The following RNF17 variants were observed in gnomAD, a reference collection of about 807,000 sequenced individuals.
RNF17 encodes the protein ring finger protein 17, also known as spermatogenesis associated 23.
In RNF17, 31 loss-of-function variants were observed where a neutral mutation model predicts 200.5. The ratio of observed to expected loss-of-function variants is 0.15; its 90% confidence interval spans 0.12 to 0.21. The LOEUF is 0.21. Ranked by LOEUF, RNF17 falls within the 10% of genes least tolerant of loss-of-function variation. The pLI is 1.00. For synonymous variants in RNF17, 606 were observed against 637.8 expected, an observed-to-expected ratio of 0.95 and a Z score of 0.75; for missense variants, 1,628 against 1,905.1, an observed-to-expected ratio of 0.85 and a Z score of 2.71.
downstream of RNF17, chr13:24,882,213 G>GATATATAGATACATCTATATAGATAGAT (rs570781288): frequency 4.9e-3 from 46 of 9,330 alleles, 17 homozygotes; most frequent in South Asian, 0.015. Flanking sequence ...TATATAGATA[G>GATATATAGATACATCTATATAGATAGAT]ATATAGATAC....
At chr13:24,751,194 T>C in the RNF17 span, 4 of 152,166 alleles carry the variant, frequency 2.6e-5, no homozygotes, top group South Asian at 6.2e-4. Context: ...CGTCTTTCTC[T>C]TTCCTGGGAA....
At chr13:24,797,720 G>C (rs1312790928) in intron 11 of RNF17, among the ~76,000 whole-genome samples, 12 of 150,816 alleles carry the variant, frequency 8.0e-5, no homozygotes, top group South Asian at 4.2e-4. Context: ...GTGTGTGTGT[G>C]TGTGTGTGTG....
intron 32 of RNF17, among the ~76,000 whole-genome samples, chr13:24,872,601 A>G (rs1162326200): frequency 1.3e-5 from 2 of 152,094 alleles, no homozygotes; most frequent in Non-Finnish European, 2.9e-5. Flanking sequence ...TCAGTTCTGC[A>G]CTCAAGAACA....
intron 15 of RNF17, among the ~76,000 whole-genome samples, chr13:24,807,224 A>G (rs1405677638): frequency 6.6e-6 from 1 of 151,960 alleles, no homozygotes; most frequent in African/African-American, 2.4e-5. Flanking sequence ...GAATCGCCAC[A>G]CTGACTTCCA....
At chr13:24,887,798 G>C in the RNF17 span, among the ~76,000 whole-genome samples, 1 of 152,174 alleles carries the variant, frequency 6.6e-6, no homozygotes, top group Non-Finnish European at 1.5e-5. Flanking sequence ...CAAAAAGGTT[G>C]GGGACTGCTA....
chr13:24,835,216 C>A (rs965787848), intron 18 of RNF17, among the ~76,000 whole-genome samples: 1 of 152,012 alleles, frequency 6.6e-6, no homozygotes, highest in African/African-American at 2.4e-5. Flanking sequence ...ACCCTGCCCC[C>A]ACCTGATGGT....
intron 30 of RNF17, among the ~76,000 whole-genome samples, chr13:24,867,488 G>A (rs574914340): frequency 3.7e-4 from 57 of 152,192 alleles, no homozygotes; most frequent in African/African-American, 1.3e-3. Context: ...TAACCTTATT[G>A]TAAATTGCCT....
chr13:24,861,103 T>C (rs914890982), intron 26 of RNF17, among the ~76,000 whole-genome samples, 165 bp from the exon 27 acceptor site: 2 of 152,134 alleles, frequency 1.3e-5, no homozygotes, highest in Non-Finnish European at 2.9e-5. Context: ...GGTCTCAAAC[T>C]CCTGGGCTCA....
At chr13:24,864,266 A>T (rs1434196016) in intron 28 of RNF17, among the ~76,000 whole-genome samples, 2 of 152,174 alleles carry the variant, frequency 1.3e-5, no homozygotes, top group Admixed American at 6.5e-5. Context: ...GTAAGAAGAG[A>T]TAGGACAAGA....
the RNF17 span, among the ~76,000 whole-genome samples, chr13:24,757,789 G>T: frequency 1.3e-5 from 2 of 151,944 alleles, no homozygotes; most frequent in South Asian, 2.1e-4. Flanking sequence ...CTCCACTTGG[G>T]CAGTTCTGTG....
At chr13:24,749,309 T>TTC in the RNF17 span, among the ~76,000 whole-genome samples, 1 of 134,462 alleles carries the variant, frequency 7.4e-6, no homozygotes, top group Admixed American at 7.5e-5. Context: ...CTTTCTTTCT[T>TTC]TTTTTTTTTT....
At chr13:24,774,141 C>T (rs1881211771) in intron 2 of RNF17, among the ~76,000 whole-genome samples, 1 of 152,122 alleles carries the variant, frequency 6.6e-6, no homozygotes, top group Admixed American at 6.6e-5. Flanking sequence ...TTCTATTGAA[C>T]CACATGATTT....
At chr13:24,870,796 C>G (rs2305368) in intron 32 of RNF17, 57 bp downstream of exon 32, 1 of 1,476,158 alleles carries the variant, frequency 6.8e-7, no homozygotes, top group Non-Finnish European at 9.3e-7. Context: ...GATTTTGTTT[C>G]AATGGGCTGA....
At chr13:24,881,568 ATC>A (rs1157755141), downstream of RNF17, among the ~76,000 whole-genome samples, 1 of 151,910 alleles carries the variant, frequency 6.6e-6, no homozygotes, top group Non-Finnish European at 1.5e-5. Flanking sequence ...TTCTAGAGAT[ATC>A]TCAGGAGAGG....
At chr13:24,756,352 A>G in the RNF17 span, among the ~76,000 whole-genome samples, 3 of 152,240 alleles carry the variant, frequency 2.0e-5, no homozygotes, top group Non-Finnish European at 4.4e-5. Context: ...AATTACTCAC[A>G]TATTGTCTGC....
At chr13:24,768,247 A>G (rs950858319) in intron 2 of RNF17, among the ~76,000 whole-genome samples, 26 of 151,928 alleles carry the variant, frequency 1.7e-4, no homozygotes, top group African/African-American at 6.0e-4. Flanking sequence ...TTCAGCTTAT[A>G]TAATATTGTT....
chr13:24,869,192 GA>G (rs1377635387), intron 31 of RNF17, among the ~76,000 whole-genome samples: 2 of 152,160 alleles, frequency 1.3e-5, no homozygotes, highest in African/African-American at 4.8e-5. Flanking sequence ...AATATTGATT[GA>G]ATGTGTGAAT....
chr13:24,842,812 C>G (rs1305049754), intron 19 of RNF17, among the ~76,000 whole-genome samples: 2 of 151,846 alleles, frequency 1.3e-5, no homozygotes, highest in Non-Finnish European at 2.9e-5. Flanking sequence ...TGTTGTAACC[C>G]CATCTCTACT....
chr13:24,767,425 A>G lies in RNF17; in HGVS notation c.225+59A>G, dbSNP rs566923376. 3.2e-5 allele frequency: 38 copies of G among 1,175,098 alleles called. 1 individual carries two copies. In the South Asian group the frequency reaches 4.2e-4, roughly 13 times the overall value. The allele number at this position is 1,175,098 out of a possible 1,614,324, so 72.8% of individuals were successfully genotyped here. ...ACAACCTAATGTTAATGGTAAAAAT[A>G]CTACAGTAGTAAAACGTACTTCTAG... On this transcript the variant is annotated intron_variant, in intron 2 of 35. Transcript: ENST00000255324.
Sources: gnomAD v4.1 joint callset for allele counts (sites outside exome capture counted in the v4.1 genomes callset) on GRCh38, gnomAD v4.1.1 for gene constraint, MANE v1.5 for transcripts, NCBI Gene and HGNC (gene_info 2026-07-23, HGNC 2026-07-21) for gene names.